ESRRB: variants seen among roughly 807,000 people sequenced by gnomAD.
The protein encoded by ESRRB is estrogen related receptor beta, also known as steroid hormone receptor ERR2.
A neutral mutation model predicts 46.0 loss-of-function variants in ESRRB; 16 were observed. The observed-to-expected ratio is 0.35, with a 90% CI of 0.24 to 0.53. The LOEUF (loss-of-function observed/expected upper bound fraction) is 0.53. Ranked by LOEUF, ESRRB falls within the 20% of genes least tolerant of loss-of-function variation. ESRRB has a pLI of 0.93. For synonymous variants in ESRRB, 246 were observed against 259.6 expected, an observed-to-expected ratio of 0.95 and a Z score of 0.50; for missense variants, 488 against 607.4, an observed-to-expected ratio of 0.80 and a Z score of 2.07.
At chr14:76,330,115 T>G (rs2139735829) in intron 1 of ESRRB, among the ~76,000 whole-genome samples, 1 of 152,040 alleles carries the variant, frequency 6.6e-6, no homozygotes, top group Admixed American at 6.6e-5. Flanking sequence ...GAGCCCTCCC[T>G]CTCTCTGTGT....
intron 1 of ESRRB, among the ~76,000 whole-genome samples, chr14:76,316,688 C>A (rs1883804245): frequency 6.6e-6 from 1 of 152,108 alleles, no homozygotes; most frequent in Non-Finnish European, 1.5e-5. Flanking sequence ...GATCATGGTC[C>A]TTGCCCCTAT....
chr14:76,486,770 G>T (rs1566613369), intron 5 of ESRRB, among the ~76,000 whole-genome samples: 1 of 152,146 alleles, frequency 6.6e-6, no homozygotes, highest in Non-Finnish European at 1.5e-5. Flanking sequence ...CCTGCAGTGA[G>T]CCCGGCACAG....
chr14:76,491,628 C>A lies in ESRRB; in HGVS notation c.1032C>A (p.Ala344=). Residue 344 remains alanine (A), a synonymous_variant, in exon 6 of 7, where the codon GCC becomes GCA. Transcript: ENST00000644823. ...RLAGLLELYR[A]ILQLVRRYKK... The stretch of plus-strand genomic sequence containing the variant: ...CGGGGCTGCTGGAGCTCTACCGGGC[C>A]ATCCTGCAGCTGGTACGCAGGTACA... The A allele has an allele frequency of 6.3e-7, 1 of 1,584,150 alleles. No homozygotes were observed. Among genetic ancestry groups the A allele is most frequent in the Non-Finnish European group, 8.6e-7 (1 of 1,166,358 alleles).
At chr14:76,483,140 T>C (rs1301834199) in intron 5 of ESRRB, among the ~76,000 whole-genome samples, 1 of 152,168 alleles carries the variant, frequency 6.6e-6, no homozygotes, top group Non-Finnish European at 1.5e-5. Flanking sequence ...AGACTGACCC[T>C]CTCTTCCTAT....
At position 76,499,166 on chromosome 14, in the gene ESRRB, C is replaced by T. The variant is rs956520771; in HGVS notation, c.*708C>T. On this transcript the variant is annotated 3_prime_UTR_variant, in exon 7 of 7. Transcript: ENST00000644823. ...TCTTCTCCTCCCCCCGGGAGTCCCC[C>T]GCTACTTCCTGACCCTACCTCAGAG... The T allele has an allele frequency of 7.5e-5, 23 of 308,714 alleles. No individual in the cohort carries two copies. The highest frequency in any genetic ancestry group is 1.8e-4 in the East Asian group (2 of 10,898). 19.1% of individuals were successfully genotyped at this position (308,714 alleles called of 1,614,324 possible). A position where few individuals can be genotyped will look rare whatever the true frequency, so the allele number is the denominator to read the frequency against.
chr14:76,498,098 AG>A, intron 6 of ESRRB, 115 bp from the exon 7 acceptor site: 1 of 1,202,566 alleles, frequency 8.3e-7, no homozygotes, highest in East Asian at 2.3e-5. Flanking sequence ...CTGTGAAGAG[AG>A]GGTTCTGAAG....
At chr14:76,329,487 C>A (rs1029732645) in intron 1 of ESRRB, among the ~76,000 whole-genome samples, 3 of 152,178 alleles carry the variant, frequency 2.0e-5, no homozygotes, top group Non-Finnish European at 4.4e-5. Flanking sequence ...TATGCAAACA[C>A]AAGCAGAATT....
rs182112356 is a variant in ESRRB, at chr14:76,425,190, G to C, written c.51-14151G>C. Among the ~76,000 whole-genome samples, 5 of 152,298 alleles carry C rather than the reference G, an allele frequency of 3.3e-5. No homozygotes were observed. The East Asian group carries it at 9.7e-4, about 29-fold the overall frequency. ...CAGTCTGGAGGGCTATCTCATGGAA[G>C]GGCTTAGACTTGTTCTGTAGGTCAT... On this transcript the variant is annotated intron_variant, in intron 1 of 6. Transcript: ENST00000644823.
chr14:76,364,960 A>G (rs1263260687), intron 1 of ESRRB, among the ~76,000 whole-genome samples: 2 of 152,228 alleles, frequency 1.3e-5, no homozygotes, highest in Non-Finnish European at 2.9e-5. Flanking sequence ...TAATTTAAAA[A>G]CAAACGATAA....
chr14:76,467,372 G>A (rs774188013), intron 3 of ESRRB, among the ~76,000 whole-genome samples: 1 of 151,744 alleles, frequency 6.6e-6, no homozygotes, highest in African/African-American at 2.4e-5. Context: ...GTGGTGGCAC[G>A]CGCATGTAAT....
chr14:76,446,285 A>C (rs1888141213), intron 2 of ESRRB, among the ~76,000 whole-genome samples: 1 of 152,110 alleles, frequency 6.6e-6, no homozygotes, highest in East Asian at 1.9e-4. Flanking sequence ...GAGACCTATA[A>C]TCAACTCCTA....
At chr14:76,440,704 T>G (rs889209430) in intron 2 of ESRRB, among the ~76,000 whole-genome samples, 3 of 151,736 alleles carry the variant, frequency 2.0e-5, no homozygotes, top group African/African-American at 7.3e-5. Context: ...ACTCTCTTTC[T>G]TTTTCTTTCT....
At chr14:76,333,021 TATATATTATA>T (rs1884058485) in intron 1 of ESRRB, among the ~76,000 whole-genome samples, 1 of 12,348 alleles carries the variant, frequency 8.1e-5, no homozygotes, top group Non-Finnish European at 1.4e-4. Flanking sequence ...ATTTATATAT[TATATATTATA>T]TATATTATAT....
chr14:76,336,067 G>A (rs962956101), intron 1 of ESRRB, among the ~76,000 whole-genome samples: 4 of 152,208 alleles, frequency 2.6e-5, no homozygotes, highest in Non-Finnish European at 5.9e-5. Flanking sequence ...AGTCTGTGCT[G>A]TAAACACGCC....
rs147781637 is a variant in ESRRB at position 76,365,071 on chromosome 14, A to T, written c.2+54155A>T. Among the ~76,000 whole-genome samples, 379 of 152,380 alleles carry T rather than the reference A, an allele frequency of 2.5e-3. 4 individuals are homozygous for T. Among genetic ancestry groups the T allele is most frequent in the African/African-American group, 8.7e-3 (363 of 41,598 alleles). ...AATATGTGATCCTACCAAGAATTAC[A>T]TCTCATAGTTCGGGATTTGTTTCAT... On this transcript the variant is annotated intron_variant, in intron 1 of 6. Transcript: ENST00000512784.
intron 1 of ESRRB, among the ~76,000 whole-genome samples, chr14:76,436,179 C>T (rs747600054): frequency 3.3e-5 from 5 of 152,214 alleles, no homozygotes; most frequent in Non-Finnish European, 5.9e-5. Flanking sequence ...GGGAGCAAAC[C>T]GCCGCCTGCT....
intron 1 of ESRRB, among the ~76,000 whole-genome samples, chr14:76,391,216 G>C (rs1885456487): frequency 6.6e-6 from 1 of 152,228 alleles, no homozygotes; most frequent in African/African-American, 2.4e-5. Context: ...GGCCAGGAAA[G>C]AGCAAGAGTG....
At chr14:76,415,882 A>G (rs1319552481) in intron 1 of ESRRB, among the ~76,000 whole-genome samples, 1 of 152,206 alleles carries the variant, frequency 6.6e-6, no homozygotes, top group Non-Finnish European at 1.5e-5. Context: ...ACTTTTATAG[A>G]CAAAACACCC....
At chr14:76,336,965 C>T (rs908829340) in intron 1 of ESRRB, among the ~76,000 whole-genome samples, 4 of 152,186 alleles carry the variant, frequency 2.6e-5, no homozygotes, top group South Asian at 4.2e-4. Flanking sequence ...CGATCTCCAC[C>T]GCCCTTCACT....
Sources: gnomAD v4.1 joint callset for allele counts (sites outside exome capture counted in the v4.1 genomes callset) on GRCh38, gnomAD v4.1.1 for gene constraint, MANE v1.5 for transcripts, NCBI Gene and HGNC (gene_info 2026-07-23, HGNC 2026-07-21) for gene names.